The following SLC20A2 variants were observed in gnomAD, a reference collection of about 807,000 sequenced individuals.
SLC20A2 encodes solute carrier family 20 member 2, also known as sodium-dependent phosphate transporter 2.
In SLC20A2, 30 loss-of-function variants were observed where a neutral mutation model predicts 61.0. The observed-to-expected ratio is 0.49, with a 90% CI of 0.37 to 0.67. The LOEUF is 0.67. SLC20A2 is among the 30% of genes least tolerant of loss of function. SLC20A2 has a pLI of 0.00. For missense variants in SLC20A2, 626 were observed against 866.4 expected, an observed-to-expected ratio of 0.72 and a Z score of 3.48; for synonymous variants, 351 against 353.3, an observed-to-expected ratio of 0.99 and a Z score of 0.07.
intron 10 of SLC20A2, among the ~76,000 whole-genome samples, chr8:42,420,191 A>G (rs1422849243): frequency 6.6e-6 from 1 of 152,138 alleles, no homozygotes; most frequent in Non-Finnish European, 1.5e-5. Context: ...GTCTCAAAAA[A>G]AAAAAAAAAT....
chr8:42,531,242 C>G (rs957977615), intron 1 of SLC20A2, among the ~76,000 whole-genome samples: 1 of 152,108 alleles, frequency 6.6e-6, no homozygotes, highest in Non-Finnish European at 1.5e-5. Context: ...TGTGGCTTTG[C>G]GGCCATTCTT....
rs568252106 is a variant in SLC20A2 at position 42,508,737 on chromosome 8, G to A, written c.-265+33084C>T. Reference sequence around the variant, plus strand: ...GCCTTCTCCTAAGCTCTCAACAGTAGCAGGAGTAGAAAGAACACTATACAG... The same window carrying A: ...GCCTTCTCCTAAGCTCTCAACAGTAACAGGAGTAGAAAGAACACTATACAG... On this transcript the variant is annotated intron_variant, in intron 1 of 10. Transcript: ENST00000342228. Among the ~76,000 whole-genome samples, 21 of 152,244 alleles carry A rather than the reference G, an allele frequency of 1.4e-4. No individual in the cohort carries two copies. In the South Asian group the frequency reaches 1.9e-3, roughly 14 times the overall value.
intron 1 of SLC20A2, among the ~76,000 whole-genome samples, chr8:42,526,939 A>G (rs1290190005): frequency 6.6e-6 from 1 of 151,868 alleles, no homozygotes; most frequent in Non-Finnish European, 1.5e-5. Context: ...CCCCGCCTTT[A>G]CAAAAAAATA....
chr8:42,504,696 T>A (rs902926983), upstream of SLC20A2, among the ~76,000 whole-genome samples: 1 of 148,496 alleles, frequency 6.7e-6, no homozygotes, highest in African/African-American at 2.5e-5. Flanking sequence ...ACAAAAAAAA[T>A]TAGCCAGGCA....
Position 42,472,163 on chromosome 8 carries a change from G to A in SLC20A2, c.228C>T (p.Asp76=), listed in dbSNP as rs752072634. ...CCACCGTCTCGTTGTACAGGTTCAC[G>A]TCAATGATACCTTTGCGAATGGTTT... ...VGETIRKGII[D]VNLYNETVET... is the part of the protein sequence containing the mutation. Residue 76 remains aspartate, a synonymous_variant, in exon 2 of 11, where the codon GAC becomes GAT. Coordinates refer to ENST00000520262, the MANE Select transcript of SLC20A2 (RefSeq NM_001257180.2). The surrounding 1 kb of genome is among the most constrained non-coding windows in gnomAD (Gnocchi z 4.1). 17 of 1,613,938 alleles carry A rather than the reference G, an allele frequency of 1.1e-5. No homozygotes were observed. Among genetic ancestry groups the A allele is most frequent in the Middle Eastern group, 3.3e-4 (2 of 6,016 alleles).
intron 1 of SLC20A2, among the ~76,000 whole-genome samples, chr8:42,485,734 T>G (rs1386033792): frequency 7.0e-6 from 1 of 143,468 alleles, no homozygotes; most frequent in Non-Finnish European, 1.5e-5. Flanking sequence ...GATCACAAGG[T>G]CAAGAGATCA....
chr8:42,540,730 TGTATA>T (rs1462703981), intron 1 of SLC20A2, among the ~76,000 whole-genome samples: 2 of 152,212 alleles, frequency 1.3e-5, no homozygotes, highest in African/African-American at 2.4e-5. Context: ...TTAATCAAAA[TGTATA>T]GTAAAGACGA....
upstream of SLC20A2, among the ~76,000 whole-genome samples, chr8:42,505,556 G>A (rs1810629848): frequency 6.6e-6 from 1 of 152,114 alleles, no homozygotes; most frequent in Non-Finnish European, 1.5e-5. Context: ...GAGAAATCAG[G>A]TATTCTAAAA....
chr8:42,446,416 T>C (rs1167485790), intron 5 of SLC20A2, among the ~76,000 whole-genome samples: 1 of 152,214 alleles, frequency 6.6e-6, no homozygotes, highest in African/African-American at 2.4e-5. Flanking sequence ...CTTATGCTCA[T>C]ACATAAACTC....
At chr8:42,517,105 G>A (rs766038881) in intron 1 of SLC20A2, among the ~76,000 whole-genome samples, 1 of 152,118 alleles carries the variant, frequency 6.6e-6, no homozygotes, top group Non-Finnish European at 1.5e-5. Flanking sequence ...ACTAGAATCT[G>A]CTATCTATAG....
In SLC20A2 at chr8:42,438,692, A is replaced by G. The variant is rs184065902; in HGVS notation, c.934+758T>C. ...CACAAACATTGAGAGTCTAAAGGAC[A>G]CAGAATGGTCTGGATTTTTTCTTTT... is the stretch of plus-strand genomic sequence containing the variant. On this transcript the variant is annotated intron_variant, in intron 7 of 10. Transcript: ENST00000520262. 7.8e-4 allele frequency among the ~76,000 whole-genome samples: 119 copies of G among 152,194 alleles called. 1 individual carries two copies. Among genetic ancestry groups the G allele is most frequent in the Non-Finnish European group, 1.4e-3 (97 of 68,002 alleles).
At chr8:42,448,710 G>C (rs1805421866) in intron 5 of SLC20A2, among the ~76,000 whole-genome samples, 4 of 152,160 alleles carry the variant, frequency 2.6e-5, no homozygotes. Flanking sequence ...GTGGTGGGGA[G>C]ACAGGGTAAC....
At chr8:42,443,025 T>G (rs117783783) in intron 6 of SLC20A2, among the ~76,000 whole-genome samples, 2,171 of 152,150 alleles carry the variant, frequency 0.014, 18 homozygotes, top group Middle Eastern at 0.038. Context: ...GCTGACTTCC[T>G]AAGCCATATT....
intron 5 of SLC20A2, among the ~76,000 whole-genome samples, chr8:42,447,276 T>C (rs1805283649): frequency 1.3e-5 from 2 of 151,644 alleles, no homozygotes; most frequent in African/African-American, 4.9e-5. Flanking sequence ...AGCCCAGGAA[T>C]TTGAGGCTGC....
chr8:42,427,906 T>C (rs981832013), intron 10 of SLC20A2, among the ~76,000 whole-genome samples: 2 of 152,302 alleles, frequency 1.3e-5, no homozygotes, highest in Admixed American at 6.5e-5. Context: ...CACCAATTAG[T>C]TTTTCTTGAA....
intron 1 of SLC20A2, among the ~76,000 whole-genome samples, chr8:42,517,878 A>C (rs1407653353): frequency 2.0e-5 from 3 of 152,210 alleles, no homozygotes; most frequent in Non-Finnish European, 4.4e-5. Context: ...GGAAAAAAGC[A>C]CAAGTCCCTA....
upstream of SLC20A2, among the ~76,000 whole-genome samples, chr8:42,506,129 C>A (rs959318269): frequency 7.9e-5 from 12 of 151,986 alleles, no homozygotes; most frequent in Non-Finnish European, 1.5e-4. Context: ...TTAGTAGAGA[C>A]GGGGTTTCGC....
chr8:42,463,811 G>T (rs1439249645), intron 3 of SLC20A2, among the ~76,000 whole-genome samples: 3 of 152,044 alleles, frequency 2.0e-5, no homozygotes, highest in African/African-American at 7.2e-5. Context: ...GGCAGCTCAG[G>T]GATCCCATTT....
chr8:42,471,314 C>T (rs1807621624), intron 2 of SLC20A2: 1 of 438,798 alleles, frequency 2.3e-6, no homozygotes, highest in African/African-American at 2.0e-5. Flanking sequence ...GGGCCGAGAT[C>T]TGTGTCCGCT....
Sources: allele counts gnomAD v4.1 joint callset (sites outside exome capture counted in the v4.1 genomes callset), GRCh38; gene constraint gnomAD v4.1.1; non-coding constraint Gnocchi (gnomAD v3.1); transcripts MANE v1.5; gene names NCBI Gene and HGNC (gene_info 2026-07-23, HGNC 2026-07-21).